The following SDF2 variants were observed in gnomAD, a reference collection of about 807,000 sequenced individuals.
SDF2 encodes the protein stromal cell derived factor 2.
A neutral mutation model predicts 20.5 loss-of-function variants in SDF2; 12 were observed. The ratio of observed to expected loss-of-function variants is 0.58; its 90% CI spans 0.37 to 0.95. The LOEUF is 0.95. Among genes scored for constraint, SDF2 ranks in the 40% least tolerant of loss-of-function variants. The pLI is 0.01. For missense variants in SDF2, 238 were observed against 263.1 expected (o/e 0.90, Z 0.66); for synonymous variants, 100 against 101.0 (o/e 0.99, Z 0.06).
intron 2 of SDF2, among the ~76,000 whole-genome samples, chr17:28,650,382 G>GA (rs376593407): frequency 3.0e-4 from 44 of 145,572 alleles, no homozygotes; most frequent in African/African-American, 6.8e-4. Flanking sequence ...AAAAAGAAAG[G>GA]AAAAAAAAAA....
chr17:28,661,989 C>T (rs1482519433), upstream of SDF2: 4 of 1,278,128 alleles, frequency 3.1e-6, no homozygotes, highest in Non-Finnish European at 4.3e-6. Context: ...CGAGTCTGAT[C>T]TTTATGGTTT....
In SDF2 at chr17:28,661,751, G is replaced by C; in HGVS notation, c.126C>G (p.His42Gln). The C allele has an allele frequency of 6.2e-7, 1 of 1,614,008 alleles. No homozygotes were observed. The highest frequency in any genetic ancestry group is 2.2e-5 in the East Asian group (1 of 44,874). Residue 42 changes from histidine to glutamine, a missense_variant, in exon 1 of 3, where the codon CAC becomes CAG. His to Gln is a conservative substitution (Grantham distance 24). Transcript: ENST00000247020. ...LLNTRHNVRLHSHDVRYGSGS... is the reference protein window; with the variant it reads ...LLNTRHNVRLQSHDVRYGSGS... ...CTGACCCATAGCGCACGTCGTGTGA[G>C]TGCAGTCGGACGTTGTGGCGCGTAT...
At chr17:28,658,422 G>A (rs1259231673) in intron 1 of SDF2, among the ~76,000 whole-genome samples, 2 of 152,124 alleles carry the variant, frequency 1.3e-5, no homozygotes, top group Admixed American at 1.3e-4. Flanking sequence ...CAGTGTTTGT[G>A]TCCCTGGGTA....
At chr17:28,650,803 CAAAAAAAAAAAAAAA>C (rs57928087) in intron 2 of SDF2, among the ~76,000 whole-genome samples, 2 of 19,080 alleles carry the variant, frequency 1.0e-4, no homozygotes, top group African/African-American at 3.8e-4. Flanking sequence ...GACTTTGTCT[CAAAAAAAAAAAAAAA>C]AAAAAAAAAA....
chr17:28,650,824 A>C lies in SDF2; in HGVS notation c.349-1548T>G, dbSNP rs1480503366. On this transcript the variant is annotated intron_variant, in intron 2 of 2. Transcript: ENST00000247020. ...GTCTCAAAAAAAAAAAAAAAAAAAA[A>C]AAAAAAACAGTTAGGGTATCTTGCT... 1.2e-4 allele frequency among the ~76,000 whole-genome samples: 18 copies of C among 151,354 alleles called. No individual in the cohort carries two copies. The East Asian group carries it at 3.1e-3, about 26-fold the overall frequency.
At chr17:28,649,348 A>C (rs1270228481) in intron 2 of SDF2, 72 bp from the exon 3 acceptor site, 27 of 1,441,734 alleles carry the variant, frequency 1.9e-5, no homozygotes, top group Non-Finnish European at 2.5e-5. Flanking sequence ...GGCAATGGGA[A>C]GAAAAAGAAG....
At position 28,661,755 on chromosome 17, in the gene SDF2, A is replaced by T. The variant is rs1380352244; in HGVS notation, c.122T>A (p.Leu41Gln). The T allele has an allele frequency of 6.2e-7, 1 of 1,613,908 alleles. No individual in the cohort carries two copies. Among genetic ancestry groups the T allele is most frequent in the Non-Finnish European group, 8.5e-7 (1 of 1,179,968 alleles). The stretch of plus-strand genomic sequence containing the variant: ...CCCATAGCGCACGTCGTGTGAGTGC[A>T]GTCGGACGTTGTGGCGCGTATTGAG... The part of the protein sequence containing the change: ...KLLNTRHNVR[L>Q]HSHDVRYGSG... Residue 41 changes from leucine (L) to glutamine (Q), a missense_variant, in exon 1 of 3, where the codon CTG becomes CAG. Coordinates refer to ENST00000247020, the MANE Select transcript of SDF2 (RefSeq NM_006923.4).
At position 28,649,275 on chromosome 17, in the gene SDF2, T is replaced by G; in HGVS notation, c.350A>C (p.Glu117Ala). Residue 117 changes from glutamate (E) to alanine (A), a missense_variant and splice_region_variant, in exon 3 of 3, where the codon GAA becomes GCA. Transcript: ENST00000247020. ...ACCTTCCTCACCAAAAGCACTCACT[T>G]CCTAGAAAATACAGAAGGTAGTAAC... ...HFTSPLSGNQ[E>A]VSAFGEEGEG... 1 of 1,612,992 alleles carries G rather than the reference T, an allele frequency of 6.2e-7. No homozygotes were observed. Among genetic ancestry groups the G allele is most frequent in the Non-Finnish European group, 8.5e-7 (1 of 1,179,704 alleles).
chr17:28,661,688 T>A, intron 1 of SDF2, 38 bp downstream of exon 1: 1 of 1,591,722 alleles, frequency 6.3e-7, no homozygotes, highest in South Asian at 1.1e-5. Context: ...AGCCTCCGAG[T>A]CCTCCCTAGC....
In SDF2 at chr17:28,648,826, C is replaced by T; in HGVS notation, c.*163G>A. 1 of 694,250 alleles carries T rather than the reference C, an allele frequency of 1.4e-6. No homozygotes were observed. Among genetic ancestry groups the T allele is most frequent in the Non-Finnish European group, 2.4e-6 (1 of 416,724 alleles). 43.0% of individuals were successfully genotyped at this position (694,250 alleles called of 1,614,324 possible). On this transcript the variant is annotated 3_prime_UTR_variant, in exon 3 of 3. Coordinates refer to ENST00000247020, the MANE Select transcript of SDF2 (RefSeq NM_006923.4). ...TGGGAGAGTGACTAGTTCAAATGTG[C>T]AGGGCTGAAGCTTCCAAACACAGCC...
chr17:28,661,818 C>G lies in SDF2; in HGVS notation c.59G>C (p.Ser20Thr), dbSNP rs767513636. The G allele has an allele frequency of 1.5e-5, 25 of 1,614,018 alleles. No individual in the cohort carries two copies. Among genetic ancestry groups the G allele is most frequent in the Admixed American group, 5.0e-5 (3 of 60,012 alleles). ...GGLWSAVGAS[S>T]LGVVTCGSVV... Reference sequence around the variant, plus strand: ...GGAGCCGCAAGTAACGACACCCAGGCTGGACGCTCCCACAGCGCTCCACAA... The same window carrying G: ...GGAGCCGCAAGTAACGACACCCAGGGTGGACGCTCCCACAGCGCTCCACAA... Residue 20 changes from serine to threonine, a missense_variant, in exon 1 of 3, where the codon AGC becomes ACC. Coordinates refer to ENST00000247020, the MANE Select transcript of SDF2 (RefSeq NM_006923.4).
In SDF2 at chr17:28,661,883, T is replaced by A. The variant is rs375363715; in HGVS notation, c.-7A>T. On this transcript the variant is annotated 5_prime_UTR_variant, in exon 1 of 3. Transcript: ENST00000247020. ...GCAGAGGTACTACAGCCATCCTAAC[T>A]GTATCGCGGAGCCCCAAATCTTCGA... The A allele has an allele frequency of 3.8e-6, 6 of 1,590,074 alleles. No homozygotes were observed. The African/African-American group carries it at 4.0e-5, about 11-fold the overall frequency.
intron 1 of SDF2, among the ~76,000 whole-genome samples, chr17:28,659,849 C>T (rs1390076909): frequency 1.3e-5 from 2 of 152,226 alleles, no homozygotes; most frequent in Non-Finnish European, 2.9e-5. Context: ...GGCGGCCGGG[C>T]AGAGGCTGTA....
intron 2 of SDF2, among the ~76,000 whole-genome samples, chr17:28,654,215 T>C (rs187201594): frequency 1.3e-5 from 2 of 152,006 alleles, no homozygotes; most frequent in African/African-American, 2.4e-5. Context: ...GGTGGGAGAA[T>C]TGCTTGAGCC....
rs114183631 is a variant in SDF2 at position 28,661,278 on chromosome 17, A to G, written c.151+448T>C. 37 of 413,110 alleles carry G rather than the reference A, an allele frequency of 9.0e-5. No individual in the cohort carries two copies. In the Middle Eastern group the frequency reaches 1.1e-3, roughly 12 times the overall value. The allele number at this position is 413,110 out of a possible 1,614,324, so 25.6% of individuals were successfully genotyped here. A position where few individuals can be genotyped will look rare whatever the true frequency, so the allele number is the denominator to read the frequency against. ...GCTCTTGGAGTTTAAAGTTTCACAG[A>G]CAGTACTTACTGTAACTTTAAAATT... On this transcript the variant is annotated intron_variant, in intron 1 of 2. Transcript: ENST00000247020.
intron 1 of SDF2, among the ~76,000 whole-genome samples, chr17:28,659,321 C>G (rs1344786719): frequency 7.9e-6 from 1 of 126,862 alleles, no homozygotes; most frequent in African/African-American, 3.1e-5. Context: ...ACTTCCCAGA[C>G]AGGGCGGCCG....
In SDF2 at chr17:28,661,717, C is replaced by G; in HGVS notation, c.151+9G>C. On this transcript the variant is annotated intron_variant, in intron 1 of 2. Transcript: ENST00000247020. ...CCCTAGCCCACCCGAGCCCGGTCCC[C>G]AGCATTACCTGACCCATAGCGCACG... 6.2e-7 allele frequency: 1 copy of G among 1,607,924 alleles called. No individual in the cohort carries two copies. The highest frequency in any genetic ancestry group is 8.5e-7 in the Non-Finnish European group (1 of 1,174,846).
intron 1 of SDF2, among the ~76,000 whole-genome samples, chr17:28,660,214 C>T (rs972861600): frequency 1.3e-5 from 2 of 152,156 alleles, no homozygotes; most frequent in Admixed American, 6.5e-5. Flanking sequence ...AGTCCAGCCT[C>T]GGCAACAGAG....
At chr17:28,660,129 C>T (rs1186687271) in intron 1 of SDF2, among the ~76,000 whole-genome samples, 1 of 152,178 alleles carries the variant, frequency 6.6e-6, no homozygotes. Context: ...ATCCCAGGCA[C>T]TCGGCAGGCC....
Sources: allele counts gnomAD v4.1 joint callset (sites outside exome capture counted in the v4.1 genomes callset), GRCh38; gene constraint gnomAD v4.1.1; transcripts MANE v1.5; gene names NCBI Gene and HGNC (gene_info 2026-07-23, HGNC 2026-07-21).